PEX3: variants seen among roughly 807,000 people sequenced by gnomAD.
PEX3 encodes the protein peroxin-3.
PEX3 carries 30 observed loss-of-function variants against 55.8 expected under a neutral mutation model. The observed-to-expected ratio is 0.54, with a 90% confidence interval of 0.40 to 0.73. The LOEUF (loss-of-function observed/expected upper bound fraction) is 0.73, where lower values mean the gene tolerates loss of function less well. Among genes scored for constraint, PEX3 ranks in the 30% least tolerant of loss-of-function variants. PEX3 has a pLI of 0.00. For synonymous variants in PEX3, 135 were observed against 148.4 expected (o/e 0.91, Z 0.66); for missense variants, 351 against 432.8 (o/e 0.81, Z 1.68).
At chr6:143,469,614 C>A (rs1348567010) in intron 4 of PEX3, among the ~76,000 whole-genome samples, 2 of 152,110 alleles carry the variant, frequency 1.3e-5, no homozygotes, top group Admixed American at 6.5e-5. Flanking sequence ...AATTTTCTCC[C>A]ATTCTGTAGG....
At chr6:143,473,446 G>T (rs968357549) in intron 8 of PEX3, among the ~76,000 whole-genome samples, 2 of 152,022 alleles carry the variant, frequency 1.3e-5, no homozygotes, top group African/African-American at 4.8e-5. Context: ...TTCAAAACAG[G>T]ACCAAAAAGA....
rs1779962739 is a variant in PEX3 at position 143,464,274 on chromosome 6, A to G, written c.287+1277A>G. 6.6e-6 allele frequency among the ~76,000 whole-genome samples: 1 copy of G among 152,074 alleles called. No homozygotes were observed. The highest frequency in any genetic ancestry group is 2.1e-4 in the South Asian group (1 of 4,828). On this transcript the variant is annotated intron_variant, in intron 3 of 11. Coordinates refer to ENST00000367591, the MANE Select transcript of PEX3 (RefSeq NM_003630.3). This position sits in a 1 kb window ranked among gnomAD's most constrained non-coding sequence, Gnocchi z 5.8. ...TGAATAGCATTTTTATACAAGCAAC[A>G]TAATACAGATAAAATAATCGTGGTG...
chr6:143,479,080 G>T lies in PEX3; in HGVS notation c.823G>T (p.Asp275Tyr). 1 of 1,563,738 alleles carries T rather than the reference G, an allele frequency of 6.4e-7. No individual in the cohort carries two copies. The highest frequency in any genetic ancestry group is 8.8e-7 in the Non-Finnish European group (1 of 1,134,508). ...TATACTTCTTACTTTATATAGCCCA[G>T]ATTTTAGTACAGTTTTGAATACCTG... ...NETRDMLESPDFSTVLNTCLN... is the reference protein window; with the variant it reads ...NETRDMLESPYFSTVLNTCLN... The change falls in exon 10 of 12, where the codon GAT becomes TAT. Residue 275 changes from aspartate to tyrosine, a missense_variant. By Grantham distance (160) the Asp-to-Tyr change is radical. Transcript: ENST00000367591. The surrounding 1 kb of genome is among the most constrained non-coding windows in gnomAD (Gnocchi z 4.6).
rs944747033 is a variant in PEX3, at chr6:143,483,441, C to T, written c.942-1711C>T. 3.3e-5 allele frequency among the ~76,000 whole-genome samples: 5 copies of T among 152,162 alleles called. No individual in the cohort carries two copies. Among genetic ancestry groups the T allele is most frequent in the Non-Finnish European group, 7.4e-5 (5 of 68,024 alleles). On this transcript the variant is annotated intron_variant, in intron 10 of 11. Coordinates refer to ENST00000367591, the MANE Select transcript of PEX3 (RefSeq NM_003630.3). This position sits in a 1 kb window ranked among gnomAD's most constrained non-coding sequence, Gnocchi z 4.3. Reference sequence around the variant, plus strand: ...AGCTATTAAATATGACCCTAGACTACAGTGGGACAGTTGACATTCTGGGCA... The same window carrying T: ...AGCTATTAAATATGACCCTAGACTATAGTGGGACAGTTGACATTCTGGGCA...
At position 143,462,920 on chromosome 6, in the gene PEX3, G is replaced by A; in HGVS notation, c.210G>A (p.Leu70=). ...TTTTTTTTGTTTGTATTACAGTGCT[G>A]TCCATGCTTCCAACACTGAGAGAGG... The part of the protein sequence containing the change: ...SNQRTCNMTV[L]SMLPTLREAL... Residue 70 remains leucine (L), a synonymous_variant, in exon 3 of 12, where the codon CTG becomes CTA. Transcript: ENST00000367591. This position sits in a 1 kb window ranked among gnomAD's most constrained non-coding sequence, Gnocchi z 4.1. 1.2e-6 allele frequency: 2 copies of A among 1,612,170 alleles called. No individual in the cohort carries two copies. Among genetic ancestry groups the A allele is most frequent in the South Asian group, 2.2e-5 (2 of 91,046 alleles).
At position 143,453,487 on chromosome 6, in the gene PEX3, T is replaced by C. The variant is rs1584000055; in HGVS notation, c.73+2372T>C. Among the ~76,000 whole-genome samples, 1 of 152,172 alleles carries C rather than the reference T, an allele frequency of 6.6e-6. No homozygotes were observed. Among genetic ancestry groups the C allele is most frequent in the Non-Finnish European group, 1.5e-5 (1 of 67,988 alleles). The stretch of plus-strand genomic sequence containing the variant: ...ACCAGTTTGGGGGGTTTGGGTGTGT[T>C]CGGGTTTTGTGTTTTTTTGTTTTTT... On this transcript the variant is annotated intron_variant, in intron 1 of 11. Coordinates refer to ENST00000367591, the MANE Select transcript of PEX3 (RefSeq NM_003630.3). The surrounding 1 kb of genome is among the most constrained non-coding windows in gnomAD (Gnocchi z 4.6).
intron 8 of PEX3, 84 bp downstream of exon 8, chr6:143,472,412 T>C: frequency 1.1e-6 from 1 of 936,890 alleles, no homozygotes; most frequent in Admixed American, 1.9e-5. Flanking sequence ...TTTCTGAGTC[T>C]CTTGAAAGGT....
intron 9 of PEX3, among the ~76,000 whole-genome samples, chr6:143,477,645 C>G (rs534349201): frequency 1.3e-5 from 2 of 152,022 alleles, no homozygotes; most frequent in African/African-American, 4.8e-5. Context: ...TTTCTCATTT[C>G]TTTCATTGGC....
Position 143,479,102 on chromosome 6 carries a change from C to A in PEX3, c.845C>A (p.Thr282Asn). Reference sequence around the variant, plus strand: ...CCAGATTTTAGTACAGTTTTGAATACCTGTTTAAACCGAGGTTTTAGTAGA... The same window carrying A: ...CCAGATTTTAGTACAGTTTTGAATAACTGTTTAAACCGAGGTTTTAGTAGA... The part of the protein sequence containing the change: ...ESPDFSTVLN[T>N]CLNRGFSRLL... The change falls in exon 10 of 12, where the codon ACC becomes AAC. Residue 282 changes from threonine to asparagine, a missense_variant. Physicochemically the swap from Thr to Asn is moderately conservative, Grantham distance 65 (BLOSUM62 0). Coordinates refer to ENST00000367591, the MANE Select transcript of PEX3 (RefSeq NM_003630.3). This position sits in a 1 kb window ranked among gnomAD's most constrained non-coding sequence, Gnocchi z 4.6. The A allele has an allele frequency of 1.3e-6, 2 of 1,580,762 alleles. No homozygotes were observed. The highest frequency in any genetic ancestry group is 2.2e-5 in the East Asian group (1 of 44,652).
In PEX3 at chr6:143,465,501, A is replaced by G. The variant is rs1194694482; in HGVS notation, c.287+2504A>G. 6.6e-6 allele frequency among the ~76,000 whole-genome samples: 1 copy of G among 151,952 alleles called. No individual in the cohort carries two copies. The highest frequency in any genetic ancestry group is 1.5e-5 in the Non-Finnish European group (1 of 67,874). On this transcript the variant is annotated intron_variant, in intron 3 of 11. Coordinates refer to ENST00000367591, the MANE Select transcript of PEX3 (RefSeq NM_003630.3). This position sits in a 1 kb window ranked among gnomAD's most constrained non-coding sequence, Gnocchi z 4.7. ...GAGTACAGTGGCACAATCATGGCTC[A>G]CTACTAAGCACTTTCTATATTGAAA...
In PEX3 at chr6:143,460,864, CAAAAAAA is replaced by C. The variant is rs57329535; in HGVS notation, c.205+1662_205+1668del. Among the ~76,000 whole-genome samples, 395 of 76,190 alleles carry C rather than the reference CAAAAAAA, an allele frequency of 5.2e-3. 2 individuals carry two copies. Among genetic ancestry groups the C allele is most frequent in the African/African-American group, 0.015 (372 of 24,690 alleles). The allele number at this position is 76,190 out of a possible 152,430, so 50.0% of individuals were successfully genotyped here. A position where few individuals can be genotyped will look rare whatever the true frequency, so the allele number is the denominator to read the frequency against. On this transcript the variant is annotated intron_variant, in intron 2 of 11. Transcript: ENST00000367591. ...GGGCAACAAGAGTGAAACTCTGTCT[CAAAAAAA>C]AAAAAAAAAAAAAGTAAAATGTAGC...
In PEX3 at chr6:143,485,623, G is replaced by A. The variant is rs1283912449; in HGVS notation, c.1038+375G>A. Among the ~76,000 whole-genome samples the A allele has an allele frequency of 4.6e-5, 7 of 152,174 alleles. No homozygotes were observed. The highest frequency in any genetic ancestry group is 2.1e-4 in the South Asian group (1 of 4,822). ...ATTTTGAGGAAAACTAAAAAAATTT[G>A]TGGAGAAGTAAAGCATTTTAGTGAT... On this transcript the variant is annotated intron_variant, in intron 11 of 11. Coordinates refer to ENST00000367591, the MANE Select transcript of PEX3 (RefSeq NM_003630.3). The surrounding 1 kb of genome is among the most constrained non-coding windows in gnomAD (Gnocchi z 5.6).
chr6:143,472,100 T>G, intron 7 of PEX3, 60 bp from the exon 8 acceptor site: 1 of 1,085,198 alleles, frequency 9.2e-7, no homozygotes, highest in Non-Finnish European at 1.4e-6. Flanking sequence ...AAGAAAAGAG[T>G]GTATATAGGA....
rs373423340 is a variant in PEX3, at chr6:143,468,195, A to G, written c.331+30A>G. 7.7e-5 allele frequency: 110 copies of G among 1,428,786 alleles called. 1 individual carries two copies. The African/African-American group carries it at 1.2e-3, about 15-fold the overall frequency. 88.5% of individuals were successfully genotyped at this position (1,428,786 alleles called of 1,614,324 possible). ...GCCTGCATATTCTGTGTGACAGCACATCCTTAAAATATTTATAAAGGGAAA... is the reference window on the plus strand; with the variant it reads ...GCCTGCATATTCTGTGTGACAGCACGTCCTTAAAATATTTATAAAGGGAAA... On this transcript the variant is annotated intron_variant, in intron 4 of 11. Transcript: ENST00000367591.
intron 9 of PEX3, among the ~76,000 whole-genome samples, chr6:143,477,667 C>T (rs914684707): frequency 1.3e-5 from 2 of 152,056 alleles, no homozygotes; most frequent in African/African-American, 4.8e-5. Context: ...TAAATGAATT[C>T]AATTCAATAA....
chr6:143,476,821 CT>C lies in PEX3; in HGVS notation c.818+1968del, dbSNP rs1253019216. Among the ~76,000 whole-genome samples, 1 of 152,046 alleles carries C rather than the reference CT, an allele frequency of 6.6e-6. No individual in the cohort carries two copies. Among genetic ancestry groups the C allele is most frequent in the African/African-American group, 2.4e-5 (1 of 41,404 alleles). On this transcript the variant is annotated intron_variant, in intron 9 of 11. Transcript: ENST00000367591. The surrounding 1 kb of genome is among the most constrained non-coding windows in gnomAD (Gnocchi z 5.4). The stretch of plus-strand genomic sequence containing the variant: ...ACAAATATAATGTTGGGAGTCATCA[CT>C]TTGTATATGGTATTTAAAGACATGG...
rs1449231218 is a variant in PEX3 at position 143,459,226 on chromosome 6, A to T, written c.205+10A>T. On this transcript the variant is annotated intron_variant, in intron 2 of 11. Coordinates refer to ENST00000367591, the MANE Select transcript of PEX3 (RefSeq NM_003630.3). The surrounding 1 kb of genome is among the most constrained non-coding windows in gnomAD (Gnocchi z 4.2). ...ACTTGCAATATGACAGGTAAGACAG[A>T]GAAATATTTATACATGTGTAAAGTT... 1 of 1,609,092 alleles carries T rather than the reference A, an allele frequency of 6.2e-7. No homozygotes were observed. Among genetic ancestry groups the T allele is most frequent in the Non-Finnish European group, 8.5e-7 (1 of 1,175,608 alleles).
intron 8 of PEX3, 77 bp downstream of exon 8, chr6:143,472,405 C>A: frequency 9.8e-7 from 1 of 1,019,112 alleles, no homozygotes; most frequent in Non-Finnish European, 1.5e-6. Context: ...ATTTTGATTT[C>A]TGAGTCTCTT....
rs1049276645 is a variant in PEX3, at chr6:143,488,541, A to G, written c.1039-602A>G. ...TTTCTATTGAAGACAAAGTCATACA[A>G]CCTGCTAATATTATCACAGTTTGTT... On this transcript the variant is annotated intron_variant, in intron 11 of 11. Coordinates refer to ENST00000367591, the MANE Select transcript of PEX3 (RefSeq NM_003630.3). The surrounding 1 kb of genome is among the most constrained non-coding windows in gnomAD (Gnocchi z 4.9). Among the ~76,000 whole-genome samples the G allele has an allele frequency of 4.6e-5, 7 of 152,084 alleles. No individual in the cohort carries two copies. The highest frequency in any genetic ancestry group is 1.2e-4 in the African/African-American group (5 of 41,444).
Sources: allele counts gnomAD v4.1 joint callset (sites outside exome capture counted in the v4.1 genomes callset), GRCh38; gene constraint gnomAD v4.1.1; non-coding constraint Gnocchi (gnomAD v3.1); transcripts MANE v1.5; gene names NCBI Gene and HGNC (gene_info 2026-07-23, HGNC 2026-07-21).